ASXL2: variants seen among roughly 807,000 people sequenced by gnomAD.
ASXL2 encodes putative Polycomb group protein ASXL2.
Under a neutral mutation model 122.0 loss-of-function variants are expected in ASXL2, and 23 were observed. The observed-to-expected ratio is 0.19, with a 90% CI of 0.14 to 0.27. The LOEUF (loss-of-function observed/expected upper bound fraction) is 0.27. Ranked by LOEUF, ASXL2 falls within the 10% of genes least tolerant of loss-of-function variation. ASXL2 has a pLI of 1.00. For missense variants in ASXL2, 1,518 were observed against 1,713.8 expected, an observed-to-expected ratio of 0.89 and a Z score of 2.02; for synonymous variants, 650 against 637.0, an observed-to-expected ratio of 1.02 and a Z score of -0.31.
rs75076818 is a variant in ASXL2 at position 25,871,204 on chromosome 2, G to A, written c.57+6962C>T. Among the ~76,000 whole-genome samples the A allele has an allele frequency of 1.5e-3, 236 of 152,258 alleles. 1 individual carries two copies. The highest frequency in any genetic ancestry group is 0.014 in the East Asian group (72 of 5,182). ...AAAGAAAGAATACAGAAATAGAGGG[G>A]TATTCAGAGTTCTTTTGTAAACAGG... On this transcript the variant is annotated intron_variant, in intron 1 of 12. Coordinates refer to ENST00000435504, the MANE Select transcript of ASXL2 (RefSeq NM_018263.6).
Position 25,742,193 on chromosome 2 carries a change from T to C in ASXL2, c.4144A>G (p.Ile1382Val). 2 of 1,613,992 alleles carry C rather than the reference T, an allele frequency of 1.2e-6. No individual in the cohort carries two copies. The highest frequency in any genetic ancestry group is 1.7e-6 in the Non-Finnish European group (2 of 1,179,886). The change falls in exon 13 of 13, where the codon ATT (isoleucine) becomes GTT (valine). Residue 1382 changes from isoleucine (I) to valine (V), a missense_variant. Transcript: ENST00000435504. The part of the protein sequence containing the change: ...AMNPSSHGQT[I>V]PVQAFSEENS... The stretch of plus-strand genomic sequence containing the variant: ...TCTTCGGAGAACGCCTGAACAGGAA[T>C]GGTCTGGCCATGGCTGCTGGGATTC...
At chr2:25,750,528 G>T in intron 11 of ASXL2, 115 bp from the exon 12 acceptor site, 1 of 887,924 alleles carries the variant, frequency 1.1e-6, no homozygotes, top group South Asian at 1.8e-5. Flanking sequence ...GACACAGCAG[G>T]TATTCATGTA....
chr2:25,768,991 A>G, intron 6 of ASXL2, 123 bp from the exon 7 acceptor site: 1 of 1,199,058 alleles, frequency 8.3e-7, no homozygotes, highest in Non-Finnish European at 1.1e-6. Context: ...AATCTATCAA[A>G]GCAAACAAAA....
intron 1 of ASXL2, among the ~76,000 whole-genome samples, chr2:25,851,159 A>AG (rs975597009): frequency 2.1e-5 from 3 of 146,080 alleles, no homozygotes; most frequent in Non-Finnish European, 3.1e-5. Context: ...AAAAAAAAAA[A>AG]AAAGAAAGAA....
At position 25,753,658 on chromosome 2, in the gene ASXL2, AGG is replaced by A; in HGVS notation, c.1037-21_1037-20del. On this transcript the variant is annotated intron_variant, in intron 10 of 12. Coordinates refer to ENST00000435504, the MANE Select transcript of ASXL2 (RefSeq NM_018263.6). ...AACTCACCTGCAATGTACCCAAAAA[AGG>A]ATATTCAATAGAAAAATGCTATTTG... 1 of 1,562,060 alleles carries A rather than the reference AGG, an allele frequency of 6.4e-7. No individual in the cohort carries two copies. Among genetic ancestry groups the A allele is most frequent in the Non-Finnish European group, 8.8e-7 (1 of 1,142,102 alleles).
chr2:25,840,407 G>A (rs1013443666), intron 2 of ASXL2, among the ~76,000 whole-genome samples: 2 of 152,274 alleles, frequency 1.3e-5, no homozygotes, highest in East Asian at 3.9e-4. Context: ...CATTTTAACC[G>A]TTTTTAATCA....
chr2:25,767,758 A>T (rs772241420), intron 7 of ASXL2, 32 bp from the exon 8 acceptor site: 70 of 1,610,684 alleles, frequency 4.3e-5, no homozygotes. Flanking sequence ...AAAGACTGGT[A>T]GCACTGAGAT....
chr2:25,875,206 T>A (rs775448253), intron 1 of ASXL2, among the ~76,000 whole-genome samples: 2 of 152,204 alleles, frequency 1.3e-5, no homozygotes, highest in Non-Finnish European at 2.9e-5. Context: ...CAAGATCAGG[T>A]GAATCGCAGC....
At chr2:25,813,559 A>G (rs1574429552) in intron 3 of ASXL2, among the ~76,000 whole-genome samples, 2 of 152,326 alleles carry the variant, frequency 1.3e-5, no homozygotes, top group Admixed American at 6.5e-5. Context: ...ACCACTGCGG[A>G]TACTGTAATT....
At chr2:25,859,393 T>G (rs1436037352) in intron 1 of ASXL2, among the ~76,000 whole-genome samples, 2 of 152,204 alleles carry the variant, frequency 1.3e-5, no homozygotes, top group African/African-American at 2.4e-5. Flanking sequence ...AGTGTTACCC[T>G]TAAAATATAT....
chr2:25,771,402 G>A (rs2088451783), intron 6 of ASXL2, 38 bp downstream of exon 6: 1 of 1,560,502 alleles, frequency 6.4e-7, no homozygotes, highest in African/African-American at 1.4e-5. Flanking sequence ...TTAAATACAG[G>A]AAATTCTACT....
At chr2:25,837,654 C>A (rs2149189460) in intron 2 of ASXL2, among the ~76,000 whole-genome samples, 1 of 152,076 alleles carries the variant, frequency 6.6e-6, no homozygotes, top group Non-Finnish European at 1.5e-5. Context: ...GAGTTTGAGA[C>A]CAGCCCGTGC....
chr2:25,753,610 T>C lies in ASXL2; in HGVS notation c.1066A>G (p.Ile356Val). 6.2e-7 allele frequency: 1 copy of C among 1,613,754 alleles called. No individual in the cohort carries two copies. The highest frequency in any genetic ancestry group is 8.5e-7 in the Non-Finnish European group (1 of 1,179,840). Residue 356 changes from isoleucine (I) to valine (V), a missense_variant, in exon 11 of 13, where the codon ATT (isoleucine) becomes GTT (valine). Physicochemically the swap from Ile to Val is conservative, Grantham distance 29. This residue lies in a region of ASXL2 where 92 missense variants were observed against 156.6 expected (regional missense o/e 0.59). Transcript: ENST00000435504. ...GEFTPEMQVR[I>V]RQEIEKEKKV... The stretch of plus-strand genomic sequence containing the variant: ...TTCTCCTTCTCAATCTCTTGTCGAA[T>C]TCTCACCTGCATCTCAGGTGTAAAC...
intron 1 of ASXL2, chr2:25,856,383 T>TTTTTTG: frequency 2.0e-6 from 1 of 492,890 alleles, no homozygotes; most frequent in Admixed American, 3.1e-5. Context: ...TTTTTTTTTT[T>TTTTTTG]TGACACCAGT....
At position 25,742,899 on chromosome 2, in the gene ASXL2, A is replaced by G. The variant is rs756517436; in HGVS notation, c.3438T>C (p.Pro1146=). The G allele has an allele frequency of 6.2e-7, 1 of 1,613,978 alleles. No homozygotes were observed. Among genetic ancestry groups the G allele is most frequent in the African/African-American group, 1.3e-5 (1 of 75,030 alleles). ...ESFRRTHSVN[P]EDRFCLSSPT... is the part of the protein sequence containing the mutation. The stretch of plus-strand genomic sequence containing the variant: ...GGCTGCTTAGACAAAAACGATCTTC[A>G]GGGTTTACAGAATGGGTCCTCCTAA... Residue 1146 remains proline (P), a synonymous_variant, in exon 13 of 13, where the codon CCT becomes CCC. Coordinates refer to ENST00000435504, the MANE Select transcript of ASXL2 (RefSeq NM_018263.6).
chr2:25,845,338 A>G, intron 2 of ASXL2, 143 bp downstream of exon 2: 1 of 1,359,084 alleles, frequency 7.4e-7, no homozygotes. Context: ...ATGACTTAAA[A>G]AATGCCAAAG....
intron 5 of ASXL2, among the ~76,000 whole-genome samples, chr2:25,780,884 G>A (rs1035608134): frequency 2.6e-5 from 4 of 151,410 alleles, no homozygotes; most frequent in Non-Finnish European, 5.9e-5. Flanking sequence ...TCAGGAGATC[G>A]AGACCATCCT....
intron 5 of ASXL2, among the ~76,000 whole-genome samples, chr2:25,782,954 C>A (rs1422931866): frequency 1.3e-5 from 2 of 151,944 alleles, no homozygotes; most frequent in Non-Finnish European, 2.9e-5. Flanking sequence ...ATGGTGAAAC[C>A]CCATATCTAC....
At chr2:25,836,746 TA>T (rs1248430560) in intron 2 of ASXL2, among the ~76,000 whole-genome samples, 1 of 152,198 alleles carries the variant, frequency 6.6e-6, no homozygotes, top group Non-Finnish European at 1.5e-5. Context: ...CTTACTCACC[TA>T]TACTAATCTT....
Sources: allele counts gnomAD v4.1 joint callset (sites outside exome capture counted in the v4.1 genomes callset), GRCh38; gene constraint gnomAD v4.1.1; regional missense constraint gnomAD v4.1.1; transcripts MANE v1.5; gene names NCBI Gene and HGNC (gene_info 2026-07-23, HGNC 2026-07-21).